The following RND3 variants were observed in gnomAD, a reference collection of about 807,000 sequenced individuals.
The protein encoded by RND3 is Rho family GTPase 3.
RND3 carries 8 observed loss-of-function variants against 26.5 expected under a neutral mutation model. That is an observed-to-expected ratio of 0.30 (90% confidence interval 0.18 to 0.54). RND3 has a LOEUF of 0.54. Among genes scored for constraint, RND3 ranks in the 20% least tolerant of loss-of-function variants. RND3 has a pLI of 0.94. For missense variants in RND3, 207 were observed against 302.8 expected (o/e 0.68, Z 2.35); for synonymous variants, 113 against 113.0 (o/e 1.00, Z 0.00).
chr2:150,482,380 TG>T (rs1325811403), intron 3 of RND3, among the ~76,000 whole-genome samples: 1 of 152,228 alleles, frequency 6.6e-6, no homozygotes, highest in Non-Finnish European at 1.5e-5. Flanking sequence ...GCTTGGCAAA[TG>T]TGGCCAATTT....
chr2:150,482,769 G>A (rs1363881013), intron 3 of RND3, among the ~76,000 whole-genome samples: 1 of 152,002 alleles, frequency 6.6e-6, no homozygotes, highest in Non-Finnish European at 1.5e-5. Flanking sequence ...TATCTGAAGA[G>A]GATCCAGAGG....
chr2:150,485,183 C>G (rs1686337548), intron 3 of RND3: 1 of 152,306 alleles, frequency 6.6e-6, no homozygotes, highest in South Asian at 2.1e-4. Flanking sequence ...TGAGAAAGAG[C>G]CTGACTCCAG....
chr2:150,485,871 G>A (rs1466266432), intron 3 of RND3, among the ~76,000 whole-genome samples: 1 of 152,116 alleles, frequency 6.6e-6, no homozygotes, highest in Non-Finnish European at 1.5e-5. Context: ...TTGAACCTCA[G>A]ACCCATGAAT....
chr2:150,480,265 C>T (rs1047380252), intron 3 of RND3, among the ~76,000 whole-genome samples: 1 of 152,186 alleles, frequency 6.6e-6, no homozygotes, highest in Non-Finnish European at 1.5e-5. Context: ...CATCTTTCCA[C>T]AAACTATGTC....
At chr2:150,478,579 C>CAAAAAAA (rs1229770069) in intron 3 of RND3, among the ~76,000 whole-genome samples, 1 of 106,370 alleles carries the variant, frequency 9.4e-6, no homozygotes, top group African/African-American at 3.7e-5. Flanking sequence ...AGCCAAACGG[C>CAAAAAAA]AAAAAAAAAA....
intron 4 of RND3, among the ~76,000 whole-genome samples, chr2:150,472,676 C>A (rs1017120009): frequency 2.0e-5 from 3 of 152,084 alleles, no homozygotes; most frequent in African/African-American, 4.8e-5. Context: ...GGAAGTGGCG[C>A]CTGACTCTTC....
At position 150,469,655 on chromosome 2, in the gene RND3, A is replaced by AAAC. The variant is rs57553410; in HGVS notation, c.*331_*332insGTT. ...GAATAGATTATAACAAAAAAAAAAA[A>AAAC]CCCAAAAATGCAAGCACCATTCAGA... On this transcript the variant is annotated 3_prime_UTR_variant, in exon 6 of 6. Transcript: ENST00000263895. The AAAC allele has an allele frequency of 2.5e-5, 6 of 244,376 alleles. No homozygotes were observed. The highest frequency in any genetic ancestry group is 1.9e-4 in the South Asian group (2 of 10,654). 15.1% of individuals were successfully genotyped at this position (244,376 alleles called of 1,614,324 possible). A position where few individuals can be genotyped will look rare whatever the true frequency, so the allele number is the denominator to read the frequency against.
chr2:150,475,232 G>A, intron 3 of RND3: 1 of 352,342 alleles, frequency 2.8e-6, no homozygotes, highest in Non-Finnish European at 5.4e-6. Flanking sequence ...AAATCTGTAT[G>A]GTTCAAAGAC....
At chr2:150,471,852 G>T in intron 4 of RND3, 91 bp from the exon 5 acceptor site, 1 of 1,071,948 alleles carries the variant, frequency 9.3e-7, no homozygotes, top group Non-Finnish European at 1.3e-6. Flanking sequence ...ACATTAGAAT[G>T]AAACTCAGAA....
chr2:150,486,916 C>A lies in RND3; in HGVS notation c.151-135G>T. The A allele has an allele frequency of 1.4e-6, 1 of 731,474 alleles. No homozygotes were observed. 45.3% of individuals were successfully genotyped at this position (731,474 alleles called of 1,614,324 possible). A position where few individuals can be genotyped will look rare whatever the true frequency, so the allele number is the denominator to read the frequency against. ...GAAAACCTTCACACATCAGACCACACACTAAGCACATGGACCCTTTCCGAA... is the reference window on the plus strand; with the variant it reads ...GAAAACCTTCACACATCAGACCACAAACTAAGCACATGGACCCTTTCCGAA... On this transcript the variant is annotated intron_variant, in intron 2 of 5. Coordinates refer to ENST00000263895, the MANE Select transcript of RND3 (RefSeq NM_005168.5). This position sits in a 1 kb window ranked among gnomAD's most constrained non-coding sequence, Gnocchi z 4.5.
chr2:150,469,973 A>C lies in RND3; in HGVS notation c.*14T>G. On this transcript the variant is annotated 3_prime_UTR_variant, in exon 6 of 6. Transcript: ENST00000263895. ...CACTAGATTCCTTTGTCTTCATTAA[A>C]GATAATGAAAGATTCACATCACAGT... 1 of 1,611,134 alleles carries C rather than the reference A, an allele frequency of 6.2e-7. No individual in the cohort carries two copies. The highest frequency in any genetic ancestry group is 8.5e-7 in the Non-Finnish European group (1 of 1,177,934).
intron 3 of RND3, among the ~76,000 whole-genome samples, chr2:150,481,649 G>A (rs533647163): frequency 1.5e-4 from 23 of 151,992 alleles, no homozygotes; most frequent in African/African-American, 5.5e-4. Flanking sequence ...CACACAGAAA[G>A]CACTAAACCA....
At chr2:150,476,360 T>A (rs1686164720) in intron 3 of RND3, among the ~76,000 whole-genome samples, 1 of 152,198 alleles carries the variant, frequency 6.6e-6, no homozygotes, top group Admixed American at 6.5e-5. Context: ...TAAAAGGCAC[T>A]ATAGTCAGGG....
chr2:150,487,268 C>T lies in RND3; in HGVS notation c.150G>A (p.Glu50=). The change falls in exon 2 of 6, where the codon GAG becomes GAA. Residue 50 remains glutamate (E), a splice_region_variant and synonymous_variant. Transcript: ENST00000263895. ...GGAAGCCGCGGCCGGCCACACTCACCTCGGGGAAGCAGTCCTTGGCGAAGA... is the reference window on the plus strand; with the variant it reads ...GGAAGCCGCGGCCGGCCACACTCACTTCGGGGAAGCAGTCCTTGGCGAAGA... ...LHVFAKDCFP[E]NYVPTVFENY... The T allele has an allele frequency of 6.3e-7, 1 of 1,588,370 alleles. No individual in the cohort carries two copies.
intron 3 of RND3, among the ~76,000 whole-genome samples, chr2:150,476,696 T>C (rs2105218789): frequency 6.6e-6 from 1 of 152,310 alleles, no homozygotes; most frequent in East Asian, 1.9e-4. Flanking sequence ...AGTCAAGTCA[T>C]TTTAAGTATG....
At chr2:150,484,482 T>G (rs886747666) in intron 3 of RND3, among the ~76,000 whole-genome samples, 1 of 152,156 alleles carries the variant, frequency 6.6e-6, no homozygotes, top group Non-Finnish European at 1.5e-5. Context: ...AGCATTCCTA[T>G]AAGCCCACCC....
rs1181575956 is a variant in RND3 at position 150,468,673 on chromosome 2, T to C, written c.*1314A>G. On this transcript the variant is annotated 3_prime_UTR_variant, in exon 6 of 6. Coordinates refer to ENST00000263895, the MANE Select transcript of RND3 (RefSeq NM_005168.5). ...AACAGGTCAGATCTGGTTTCTTCTC[T>C]GAAAGAATCTCTAAAAGGAACTGGT... is the stretch of plus-strand genomic sequence containing the variant. 6.6e-6 allele frequency: 1 copy of C among 152,656 alleles called. No homozygotes were observed. The highest frequency in any genetic ancestry group is 1.5e-5 in the Non-Finnish European group (1 of 68,038). 9.5% of individuals were successfully genotyped at this position (152,656 alleles called of 1,614,324 possible). A position where few individuals can be genotyped will look rare whatever the true frequency, so the allele number is the denominator to read the frequency against.
At chr2:150,476,335 G>C (rs186023879) in intron 3 of RND3, among the ~76,000 whole-genome samples, 3 of 152,266 alleles carry the variant, frequency 2.0e-5, no homozygotes, top group Admixed American at 2.0e-4. Context: ...TTGCTTGGAG[G>C]CTGTTCTTGT....
intron 3 of RND3, among the ~76,000 whole-genome samples, chr2:150,476,024 C>T (rs775973166): frequency 3.5e-4 from 53 of 152,100 alleles, no homozygotes; most frequent in Non-Finnish European, 4.9e-4. Flanking sequence ...TGCCAAATGC[C>T]GCTTGTTTAA....
Sources: allele counts gnomAD v4.1 joint callset (sites outside exome capture counted in the v4.1 genomes callset), GRCh38; gene constraint gnomAD v4.1.1; non-coding constraint Gnocchi (gnomAD v3.1); transcripts MANE v1.5; gene names NCBI Gene and HGNC (gene_info 2026-07-23, HGNC 2026-07-21).